SUPT20H: variants seen among roughly 807,000 people sequenced by gnomAD.
The protein encoded by SUPT20H is transcription factor SPT20 homolog.
A neutral mutation model predicts 122.8 loss-of-function variants in SUPT20H; 82 were observed. The observed-to-expected ratio is 0.67, with a 90% CI of 0.56 to 0.80. The LOEUF is 0.80. Ranked by LOEUF, SUPT20H falls within the 30% of genes least tolerant of loss-of-function variation. SUPT20H has a pLI of 0.00. For synonymous variants in SUPT20H, 291 were observed against 313.0 expected (o/e 0.93, Z 0.74); for missense variants, 831 against 921.6 (o/e 0.90, Z 1.27).
chr13:37,009,522 T>TA lies in SUPT20H; in HGVS notation c.*149dup. The TA allele has an allele frequency of 9.7e-7, 1 of 1,033,022 alleles. No homozygotes were observed. The highest frequency in any genetic ancestry group is 1.4e-6 in the Non-Finnish European group (1 of 693,426). The allele number at this position is 1,033,022 out of a possible 1,614,324, so 64.0% of individuals were successfully genotyped here. A position where few individuals can be genotyped will look rare whatever the true frequency, so the allele number is the denominator to read the frequency against. ...GTTAAACCATTTCCCTGTTTTTATT[T>TA]AAAAATGATAAGGTTGTGCTTCTGT... On this transcript the variant is annotated 3_prime_UTR_variant, in exon 26 of 26. Transcript: ENST00000350612.
chr13:37,017,103 C>G, intron 23 of SUPT20H, 142 bp downstream of exon 23: 1 of 1,138,242 alleles, frequency 8.8e-7, no homozygotes. Flanking sequence ...GAATACACAC[C>G]CAATAGCTGA....
chr13:37,013,612 CA>C (rs2059959719), intron 23 of SUPT20H: 1 of 151,822 alleles, frequency 6.6e-6, no homozygotes, highest in Non-Finnish European at 1.5e-5. Context: ...GAGGATATTC[CA>C]TAAAGAAAAG....
At chr13:37,026,337 T>TAATA (rs1359157435) in intron 15 of SUPT20H, 101 bp from the exon 16 acceptor site, 1 of 851,448 alleles carries the variant, frequency 1.2e-6, no homozygotes, top group Admixed American at 3.4e-5. Flanking sequence ...TTAGTCACAG[T>TAATA]AATATAAACT....
At chr13:37,010,337 T>C (rs17054800) in intron 25 of SUPT20H, among the ~76,000 whole-genome samples, 9,759 of 152,252 alleles carry the variant, frequency 0.064, 1,055 homozygotes, top group African/African-American at 0.22. Flanking sequence ...CAGCACTTCA[T>C]GAAAAATTTT....
At chr13:37,036,401 C>T (rs142605833) in intron 9 of SUPT20H, among the ~76,000 whole-genome samples, 14 of 151,790 alleles carry the variant, frequency 9.2e-5, no homozygotes, top group East Asian at 1.9e-4. Context: ...CTCAGCTCAC[C>T]GCAACCTCCA....
At chr13:37,046,025 C>T (rs373632914) in intron 5 of SUPT20H, among the ~76,000 whole-genome samples, 1 of 152,024 alleles carries the variant, frequency 6.6e-6, no homozygotes, top group East Asian at 1.9e-4. Flanking sequence ...ACAGATTTAA[C>T]AAATCATGTC....
intron 9 of SUPT20H, 110 bp from the exon 10 acceptor site, chr13:37,033,698 G>T: frequency 8.7e-7 from 1 of 1,152,396 alleles, no homozygotes; most frequent in Non-Finnish European, 1.2e-6. Context: ...AAGGACTACA[G>T]TAAAATATGG....
rs2063790411 is a variant in SUPT20H, at chr13:37,033,572, A to G, written c.584T>C (p.Leu195Pro). The G allele has an allele frequency of 1.2e-6, 2 of 1,613,116 alleles. No individual in the cohort carries two copies. The highest frequency in any genetic ancestry group is 1.7e-6 in the Non-Finnish European group (2 of 1,179,636). Residue 195 changes from leucine (L) to proline (P), a missense_variant, in exon 10 of 26, where the codon CTT becomes CCT. By Grantham distance (98) the Leu-to-Pro change is moderately conservative. Transcript: ENST00000350612. ...TGTAGCTAGGATGAGCTGGCTCTCA[A>G]GCAAAAGTTTGTCTTCCTGAAATGT... is the stretch of plus-strand genomic sequence containing the variant. Reference protein sequence around the residue: ...HKWTQEDKLLLESQLILATAE... With the variant: ...HKWTQEDKLLPESQLILATAE...
At chr13:37,047,114 T>C (rs931813027) in intron 5 of SUPT20H, 26 of 152,676 alleles carry the variant, frequency 1.7e-4, no homozygotes, top group African/African-American at 6.3e-4. Context: ...TTTATTACTG[T>C]ACTTGAATTT....
At chr13:37,018,864 G>A (rs1375296989) in intron 22 of SUPT20H, among the ~76,000 whole-genome samples, 1 of 152,042 alleles carries the variant, frequency 6.6e-6, no homozygotes, top group African/African-American at 2.4e-5. Context: ...GCTCAGGCTG[G>A]TCTCGAACTC....
intron 2 of SUPT20H, among the ~76,000 whole-genome samples, chr13:37,049,849 T>C (rs1460522190): frequency 6.6e-6 from 1 of 152,242 alleles, no homozygotes; most frequent in Non-Finnish European, 1.5e-5. Flanking sequence ...GATAGTCATT[T>C]TTAAATTTTA....
intron 9 of SUPT20H, among the ~76,000 whole-genome samples, chr13:37,037,281 T>C (rs899299746): frequency 2.6e-5 from 4 of 151,946 alleles, no homozygotes; most frequent in African/African-American, 9.7e-5. Context: ...AAGTTATACA[T>C]GGGTTTTTGA....
At chr13:37,056,415 C>T (rs2069045245) in intron 1 of SUPT20H, among the ~76,000 whole-genome samples, 1 of 152,170 alleles carries the variant, frequency 6.6e-6, no homozygotes, top group Non-Finnish European at 1.5e-5. Context: ...CACATATACA[C>T]CATGGAATAC....
intron 1 of SUPT20H, among the ~76,000 whole-genome samples, chr13:37,056,239 A>G (rs1043518004): frequency 2.6e-5 from 4 of 152,230 alleles, no homozygotes; most frequent in African/African-American, 9.7e-5. Flanking sequence ...TAGAAATACC[A>G]TTTGACCCAG....
In SUPT20H at chr13:37,022,948, C is replaced by G. The variant is rs2061625110; in HGVS notation, c.1592-868G>C. ...AAATCTGTTGTGAATGAAGTATGCA[C>G]AGTTTATCAATTTTTTAAAAAACAA... On this transcript the variant is annotated intron_variant, in intron 19 of 25. Coordinates refer to ENST00000350612, the MANE Select transcript of SUPT20H (RefSeq NM_001014286.3). This position sits in a 1 kb window ranked among gnomAD's most constrained non-coding sequence, Gnocchi z 4.5. 8.1e-7 allele frequency: 1 copy of G among 1,237,232 alleles called. No homozygotes were observed. The allele number at this position is 1,237,232 out of a possible 1,614,324, so 76.6% of individuals were successfully genotyped here.
At chr13:37,053,065 T>C (rs542909604) in intron 1 of SUPT20H, among the ~76,000 whole-genome samples, 335 of 152,280 alleles carry the variant, frequency 2.2e-3, no homozygotes, top group African/African-American at 7.6e-3. Context: ...TTTTACACTG[T>C]TGGTGGTAGT....
At chr13:37,034,684 T>G (rs2064010152) in intron 9 of SUPT20H, among the ~76,000 whole-genome samples, 1 of 152,122 alleles carries the variant, frequency 6.6e-6, no homozygotes, top group Admixed American at 6.5e-5. Flanking sequence ...AACAACAGAT[T>G]TTCAAATTAA....
At chr13:37,027,616 C>A (rs1037306819) in intron 14 of SUPT20H, among the ~76,000 whole-genome samples, 31 of 152,006 alleles carry the variant, frequency 2.0e-4, no homozygotes, top group Non-Finnish European at 3.4e-4. Context: ...ATTAAAAAAA[C>A]CAAATAAATA....
chr13:37,028,505 T>G (rs1337445207), intron 13 of SUPT20H, among the ~76,000 whole-genome samples, 200 bp from the exon 14 acceptor site: 1 of 152,172 alleles, frequency 6.6e-6, no homozygotes, highest in East Asian at 1.9e-4. Context: ...ATATGGGCAC[T>G]CAGCATGCAT....
Sources: allele counts gnomAD v4.1 joint callset (sites outside exome capture counted in the v4.1 genomes callset), GRCh38; gene constraint gnomAD v4.1.1; non-coding constraint Gnocchi (gnomAD v3.1); transcripts MANE v1.5; gene names NCBI Gene and HGNC (gene_info 2026-07-23, HGNC 2026-07-21).